The following PDCD2L variants were observed in gnomAD, a reference collection of about 807,000 sequenced individuals.
PDCD2L encodes uS5 assembly chaperone PDCD2L.
In PDCD2L, 44 loss-of-function variants were observed where a neutral mutation model predicts 40.4. The ratio of observed to expected loss-of-function variants is 1.09; its 90% confidence interval spans 0.86 to 1.40. The LOEUF is 1.40. Among genes scored for constraint, PDCD2L ranks in the 40% most tolerant of loss-of-function variants. PDCD2L has a pLI of 0.00. For synonymous variants in PDCD2L, 194 were observed against 174.6 expected (o/e 1.11, Z -0.88); for missense variants, 470 against 453.7 (o/e 1.04, Z -0.33).
At chr19:34,420,317 G>T (rs1377719062) in intron 5 of PDCD2L, among the ~76,000 whole-genome samples, 27 of 145,194 alleles carry the variant, frequency 1.9e-4, no homozygotes, top group Non-Finnish European at 2.7e-4. Context: ...TTTTTTTTTT[G>T]GTTTTTTTTT....
Position 34,413,825 on chromosome 19 carries a change from G to A in PDCD2L, c.775G>A (p.Ala259Thr), listed in dbSNP as rs760085981. 3 of 1,599,460 alleles carry A rather than the reference G, an allele frequency of 1.9e-6. No individual in the cohort carries two copies. Among genetic ancestry groups the A allele is most frequent in the Non-Finnish European group, 2.6e-6 (3 of 1,168,904 alleles). The change falls in exon 5 of 7, where the codon GCT becomes ACT. Residue 259 changes from alanine (A) to threonine (T), a missense_variant. Physicochemically the swap from Ala to Thr is moderately conservative, Grantham distance 58 (BLOSUM62 0). Coordinates refer to ENST00000246535, the MANE Select transcript of PDCD2L (RefSeq NM_032346.2). Reference sequence around the variant, plus strand: ...TTACAAATTCATGAAGCGAATTGCTGCTTGTCAGGAGCAGATTTTGAGGTA... The same window carrying A: ...TTACAAATTCATGAAGCGAATTGCTACTTGTCAGGAGCAGATTTTGAGGTA... The part of the protein sequence containing the change: ...TFYKFMKRIA[A>T]CQEQILRYSW...
intron 4 of PDCD2L, among the ~76,000 whole-genome samples, chr19:34,413,389 G>T (rs1364518481): frequency 7.0e-6 from 1 of 143,334 alleles, no homozygotes; most frequent in African/African-American, 2.6e-5. Context: ...GGAGTGTAGT[G>T]GCATGGCACG....
At chr19:34,422,175 T>A (rs1295344684) in intron 6 of PDCD2L, 6 of 147,990 alleles carry the variant, frequency 4.1e-5, no homozygotes, top group African/African-American at 1.0e-4. Flanking sequence ...TGAGATGGAG[T>A]CTCTCTCTGT....
chr19:34,411,245 T>TC (rs892709921), intron 4 of PDCD2L, among the ~76,000 whole-genome samples: 1 of 143,540 alleles, frequency 7.0e-6, no homozygotes, highest in African/African-American at 2.5e-5. Flanking sequence ...GTTATGGCCT[T>TC]TTTTTTTTTT....
rs1388829558 is a variant in PDCD2L at position 34,409,386 on chromosome 19, T to C, written c.562T>C (p.Tyr188His). 1 of 1,614,224 alleles carries C rather than the reference T, an allele frequency of 6.2e-7. No homozygotes were observed. Among genetic ancestry groups the C allele is most frequent in the East Asian group, 2.2e-5 (1 of 44,884 alleles). The part of the protein sequence containing the change: ...VPPGLPLFLP[Y>H]YICVADEDDY... Reference sequence around the variant, plus strand: ...TCCTGGGCTGCCGCTCTTCCTGCCCTACTACATCTGTGTTGCAGATGAGGA... The same window carrying C: ...TCCTGGGCTGCCGCTCTTCCTGCCCCACTACATCTGTGTTGCAGATGAGGA... The change falls in exon 4 of 7, where the codon TAC becomes CAC. Residue 188 changes from tyrosine to histidine, a missense_variant. Physicochemically the swap from Tyr to His is moderately conservative, Grantham distance 83. Coordinates refer to ENST00000246535, the MANE Select transcript of PDCD2L (RefSeq NM_032346.2).
chr19:34,420,763 G>A (rs2075146904), intron 5 of PDCD2L, among the ~76,000 whole-genome samples: 1 of 149,902 alleles, frequency 6.7e-6, no homozygotes, highest in Admixed American at 6.7e-5. Context: ...CTGCACTCCA[G>A]CCTGGGCAAC....
Position 34,404,939 on chromosome 19 carries a change from G to T in PDCD2L, c.285G>T (p.Val95=), listed in dbSNP as rs1371009173. The T allele has an allele frequency of 1.2e-6, 2 of 1,614,156 alleles. No individual in the cohort carries two copies. Among genetic ancestry groups the T allele is most frequent in the South Asian group, 1.1e-5 (1 of 91,086 alleles). ...TGTCTTCACCCCGAAGCTGGAAGGT[G>T]TTCCGCTCCCAGTGCCTGCAGGTGC... ...CSTGGARSWK[V]FRSQCLQVPE... Residue 95 remains valine (V), a synonymous_variant, in exon 3 of 7, where the codon GTG becomes GTT. Transcript: ENST00000246535.
intron 4 of PDCD2L, among the ~76,000 whole-genome samples, chr19:34,413,061 G>A (rs1312398357): frequency 6.7e-6 from 1 of 149,506 alleles, no homozygotes; most frequent in African/African-American, 2.5e-5. Flanking sequence ...TTTTTGAGAC[G>A]GAGTTTCACT....
rs780379373 is a variant in PDCD2L at position 34,404,969 on chromosome 19, G to C, written c.315G>C (p.Glu105Asp). The C allele has an allele frequency of 6.2e-7, 1 of 1,614,214 alleles. No homozygotes were observed. Among genetic ancestry groups the C allele is most frequent in the East Asian group, 2.2e-5 (1 of 44,878 alleles). The change falls in exon 3 of 7, where the codon GAG (glutamate) becomes GAC (aspartate). Residue 105 changes from glutamate to aspartate, a missense_variant. Glu to Asp is a conservative substitution (Grantham distance 45). Transcript: ENST00000246535. The stretch of plus-strand genomic sequence containing the variant: ...GCTCCCAGTGCCTGCAGGTGCCAGA[G>C]AGAGAGGCGCAGGACGCTCAGGTAA... ...VFRSQCLQVP[E>D]REAQDAQKQG...
chr19:34,413,062 G>A (rs1356641297), intron 4 of PDCD2L, among the ~76,000 whole-genome samples: 2 of 150,538 alleles, frequency 1.3e-5, no homozygotes, highest in South Asian at 2.1e-4. Flanking sequence ...TTTTGAGACG[G>A]AGTTTCACTC....
chr19:34,408,334 TTTC>T (rs2075086438), intron 3 of PDCD2L, among the ~76,000 whole-genome samples: 1 of 151,094 alleles, frequency 6.6e-6, no homozygotes, highest in Non-Finnish European at 1.5e-5. Flanking sequence ...GCTGTTGCTT[TTTC>T]TTTTTTTTTT....
chr19:34,405,435 C>T (rs574250006), intron 3 of PDCD2L, among the ~76,000 whole-genome samples: 172 of 151,460 alleles, frequency 1.1e-3, no homozygotes, highest in African/African-American at 3.9e-3. Context: ...CATGAGCCAC[C>T]GCGCCCGGCC....
At chr19:34,422,881 A>G (rs1568361804) in intron 6 of PDCD2L, among the ~76,000 whole-genome samples, 1 of 151,736 alleles carries the variant, frequency 6.6e-6, no homozygotes, top group South Asian at 2.1e-4. Flanking sequence ...AAGCCCAGCT[A>G]ATTTTTTTTT....
chr19:34,413,701 T>C, intron 4 of PDCD2L, 36 bp from the exon 5 acceptor site: 1 of 1,220,484 alleles, frequency 8.2e-7, no homozygotes. Flanking sequence ...TTTCTGGATA[T>C]AGACATTCAA....
At chr19:34,418,384 G>A (rs1011877532) in intron 5 of PDCD2L, among the ~76,000 whole-genome samples, 2 of 152,090 alleles carry the variant, frequency 1.3e-5, no homozygotes, top group East Asian at 1.9e-4. Context: ...AAGGTCATAT[G>A]GGATATACTT....
At chr19:34,413,628 C>T (rs1036079213) in intron 4 of PDCD2L, 109 bp from the exon 5 acceptor site, 15 of 624,654 alleles carry the variant, frequency 2.4e-5, no homozygotes, top group African/African-American at 7.5e-5. Context: ...TGAGCCACTG[C>T]GCCTGCCCTG....
intron 6 of PDCD2L, among the ~76,000 whole-genome samples, chr19:34,424,934 C>T (rs576786436): frequency 5.3e-5 from 8 of 151,926 alleles, no homozygotes; most frequent in South Asian, 2.1e-4. Flanking sequence ...TTAGTAGAGA[C>T]GGGGTTTCAC....
At chr19:34,405,666 C>T (rs142145271) in intron 3 of PDCD2L, among the ~76,000 whole-genome samples, 15,703 of 149,948 alleles carry the variant, frequency 0.1, 1,107 homozygotes, top group Middle Eastern at 0.2. Flanking sequence ...TTTGGGAGGC[C>T]GAGGCGGGCG....
intron 5 of PDCD2L, among the ~76,000 whole-genome samples, chr19:34,416,939 C>T (rs865933167): frequency 6.6e-6 from 1 of 152,018 alleles, no homozygotes; most frequent in South Asian, 2.1e-4. Flanking sequence ...CATGGTGAAA[C>T]CCTGTCTCTA....
Sources: gnomAD v4.1 joint callset for allele counts (sites outside exome capture counted in the v4.1 genomes callset) on GRCh38, gnomAD v4.1.1 for gene constraint, MANE v1.5 for transcripts, NCBI Gene and HGNC (gene_info 2026-07-23, HGNC 2026-07-21) for gene names.